The following MEOX2 variants were observed in gnomAD, a reference collection of about 807,000 sequenced individuals.
MEOX2 encodes the protein mesenchyme homeobox 2, also known as homeobox protein MOX-2.
A neutral mutation model predicts 27.0 loss-of-function variants in MEOX2; 11 were observed. The observed-to-expected ratio is 0.41, with a 90% confidence interval of 0.26 to 0.68. The LOEUF (loss-of-function observed/expected upper bound fraction) is 0.68, where lower values mean the gene tolerates loss of function less well. MEOX2 is among the 30% of genes least tolerant of loss of function. MEOX2 has a pLI of 0.33. For missense variants in MEOX2, 436 were observed against 385.4 expected (o/e 1.13, Z -1.10); for synonymous variants, 189 against 155.4 (o/e 1.22, Z -1.61).
Position 15,686,567 on chromosome 7 carries a change from C to A in MEOX2, c.-165G>T. 4.5e-6 allele frequency: 3 copies of A among 660,268 alleles called. No homozygotes were observed. The highest frequency in any genetic ancestry group is 2.0e-5 in the South Asian group (1 of 49,962). 40.9% of individuals were successfully genotyped at this position (660,268 alleles called of 1,614,324 possible). The stretch of plus-strand genomic sequence containing the variant: ...GGATAATCCCGGTCCTGAGCCCCAG[C>A]GGCCAGTCTCCTTTACATATGAACA... On this transcript the variant is annotated 5_prime_UTR_variant, in exon 1 of 3. Coordinates refer to ENST00000262041, the MANE Select transcript of MEOX2 (RefSeq NM_005924.5).
chr7:15,682,452 A>G (rs528093232), intron 1 of MEOX2, among the ~76,000 whole-genome samples: 33 of 151,944 alleles, frequency 2.2e-4, no homozygotes, highest in Non-Finnish European at 2.4e-4. Flanking sequence ...GTTTTATGAC[A>G]TAGTAGCTAT....
At chr7:15,678,620 C>T (rs187898268) in intron 1 of MEOX2, among the ~76,000 whole-genome samples, 1 of 152,222 alleles carries the variant, frequency 6.6e-6, no homozygotes, top group Non-Finnish European at 1.5e-5. Context: ...GTTTACTGTG[C>T]AGTCCAGACA....
At chr7:15,650,210 C>T (rs1008733256) in intron 1 of MEOX2, among the ~76,000 whole-genome samples, 23 of 152,032 alleles carry the variant, frequency 1.5e-4, no homozygotes, top group Non-Finnish European at 2.6e-4. Flanking sequence ...TTTCCAACCT[C>T]TCTGTAAATT....
At chr7:15,678,823 G>C (rs1176552919) in intron 1 of MEOX2, 1 of 152,140 alleles carries the variant, frequency 6.6e-6, no homozygotes, top group Non-Finnish European at 1.5e-5. Flanking sequence ...CCCTCCTCTA[G>C]GTTTTGCGGA....
intron 1 of MEOX2, among the ~76,000 whole-genome samples, chr7:15,663,454 T>C (rs1781947794): frequency 6.6e-6 from 1 of 151,548 alleles, no homozygotes; most frequent in Non-Finnish European, 1.5e-5. Context: ...TGCCTCAGCC[T>C]CCTGAGTAGT....
chr7:15,629,636 A>G, intron 1 of MEOX2, among the ~76,000 whole-genome samples: 1 of 152,142 alleles, frequency 6.6e-6, no homozygotes, highest in Non-Finnish European at 1.5e-5. Flanking sequence ...ACCAGTGTTG[A>G]TTAATCCAGC....
intron 1 of MEOX2, among the ~76,000 whole-genome samples, chr7:15,630,745 C>G (rs1207287455): frequency 6.6e-6 from 1 of 151,950 alleles, no homozygotes. Flanking sequence ...TTTACGTAGG[C>G]ATAGGGATTG....
chr7:15,665,760 G>T (rs369747090), intron 1 of MEOX2, among the ~76,000 whole-genome samples: 2 of 152,280 alleles, frequency 1.3e-5, no homozygotes, highest in African/African-American at 4.8e-5. Flanking sequence ...GCTAGACTAG[G>T]AAAGTAGATT....
chr7:15,637,707 T>C (rs1208574030), intron 1 of MEOX2, among the ~76,000 whole-genome samples: 1 of 152,050 alleles, frequency 6.6e-6, no homozygotes, highest in African/African-American at 2.4e-5. Flanking sequence ...CAACTCTAGT[T>C]ATTTAGAAGG....
At chr7:15,618,065 C>G (rs1041484542) in intron 2 of MEOX2, among the ~76,000 whole-genome samples, 3 of 151,896 alleles carry the variant, frequency 2.0e-5, no homozygotes, top group African/African-American at 7.2e-5. Context: ...AAAAATGAAC[C>G]GAAAGCAACC....
chr7:15,618,460 C>T (rs1033671584), intron 2 of MEOX2, among the ~76,000 whole-genome samples: 2 of 151,878 alleles, frequency 1.3e-5, no homozygotes, highest in Admixed American at 1.3e-4. Flanking sequence ...CTACTGAGAC[C>T]AACTAGAATG....
At chr7:15,613,829 T>C (rs957608965) in intron 2 of MEOX2, among the ~76,000 whole-genome samples, 2 of 152,186 alleles carry the variant, frequency 1.3e-5, no homozygotes, top group Non-Finnish European at 2.9e-5. Context: ...TGTTCTACCA[T>C]CCATGGATAT....
At chr7:15,659,411 G>A (rs10278557) in intron 1 of MEOX2, among the ~76,000 whole-genome samples, 37,008 of 151,954 alleles carry the variant, frequency 0.24, 4,817 homozygotes, top group East Asian at 0.31. Context: ...TTTTATATCT[G>A]TGTCTGCTAT....
chr7:15,617,170 T>C (rs1160874732), intron 2 of MEOX2, among the ~76,000 whole-genome samples: 1 of 152,048 alleles, frequency 6.6e-6, no homozygotes, highest in Non-Finnish European at 1.5e-5. Flanking sequence ...ACATCAAACA[T>C]CTGGATGAAA....
intron 1 of MEOX2, among the ~76,000 whole-genome samples, chr7:15,683,492 A>G (rs1461995180): frequency 2.0e-5 from 3 of 152,116 alleles, no homozygotes; most frequent in Non-Finnish European, 4.4e-5. Context: ...AGATATACGT[A>G]TTAATAGCAT....
chr7:15,617,332 T>C (rs1781139355), intron 2 of MEOX2, among the ~76,000 whole-genome samples: 1 of 152,046 alleles, frequency 6.6e-6, no homozygotes, highest in Admixed American at 6.6e-5. Flanking sequence ...TGTGAAAACA[T>C]GCAAAGGATA....
intron 1 of MEOX2, among the ~76,000 whole-genome samples, chr7:15,633,645 C>A (rs1781437170): frequency 6.6e-6 from 1 of 151,882 alleles, no homozygotes; most frequent in African/African-American, 2.4e-5. Flanking sequence ...AGTGTAAGGA[C>A]TAGCATTTAT....
At chr7:15,632,370 A>G (rs1174656529) in intron 1 of MEOX2, among the ~76,000 whole-genome samples, 1 of 151,810 alleles carries the variant, frequency 6.6e-6, no homozygotes, top group Non-Finnish European at 1.5e-5. Context: ...TTTTTAAATG[A>G]TGAGATTTTA....
intron 1 of MEOX2, among the ~76,000 whole-genome samples, 153 bp from the exon 2 acceptor site, chr7:15,627,071 A>G (rs529659583): frequency 6.6e-6 from 1 of 152,138 alleles, no homozygotes; most frequent in South Asian, 2.1e-4. Context: ...CGGCAGCTCA[A>G]CGGGGGGAGA....
Sources: allele counts gnomAD v4.1 joint callset (sites outside exome capture counted in the v4.1 genomes callset), GRCh38; gene constraint gnomAD v4.1.1; transcripts MANE v1.5; gene names NCBI Gene and HGNC (gene_info 2026-07-23, HGNC 2026-07-21).